CTNNA2: variants seen among roughly 807,000 people sequenced by gnomAD.
CTNNA2 encodes catenin alpha-2.
CTNNA2 carries 42 observed loss-of-function variants against 101.0 expected under a neutral mutation model. That is an observed-to-expected ratio of 0.42 (90% CI 0.32 to 0.54). The LOEUF (loss-of-function observed/expected upper bound fraction) is 0.54, where lower values mean the gene tolerates loss of function less well. Ranked by LOEUF, CTNNA2 falls within the 20% of genes least tolerant of loss-of-function variation. The pLI is 0.14. For synonymous variants in CTNNA2, 450 were observed against 456.4 expected (o/e 0.99, Z 0.18); for missense variants, 871 against 1,223.1 (o/e 0.71, Z 4.29).
At chr2:79,186,760 C>T (rs972855755) in intron 1 of CTNNA2, among the ~76,000 whole-genome samples, 4 of 152,152 alleles carry the variant, frequency 2.6e-5, no homozygotes, top group African/African-American at 9.7e-5. Flanking sequence ...AATACAGTGG[C>T]TCTCAGTCTT....
chr2:80,646,704 A>G (rs542188723), intron 18 of CTNNA2, among the ~76,000 whole-genome samples: 5 of 151,960 alleles, frequency 3.3e-5, no homozygotes, highest in Non-Finnish European at 7.4e-5. Flanking sequence ...GGTAACCCAA[A>G]ATATTCCTGG....
chr2:80,372,014 TGTC>T (rs1276841604), intron 7 of CTNNA2, among the ~76,000 whole-genome samples: 6 of 152,174 alleles, frequency 3.9e-5, no homozygotes, highest in Non-Finnish European at 5.9e-5. Flanking sequence ...TCATAAAACT[TGTC>T]GTCCGAATTG....
intron 7 of CTNNA2, among the ~76,000 whole-genome samples, chr2:80,102,870 G>T (rs568721740): frequency 6.6e-6 from 1 of 152,154 alleles, no homozygotes; most frequent in African/African-American, 2.4e-5. Flanking sequence ...GGATAAAAGG[G>T]TGATCGTGAC....
chr2:80,436,772 G>C (rs1348483747), intron 9 of CTNNA2, among the ~76,000 whole-genome samples: 1 of 152,128 alleles, frequency 6.6e-6, no homozygotes, highest in Non-Finnish European at 1.5e-5. Context: ...AGCTCTGTCA[G>C]TCCTCTTTTA....
intron 12 of CTNNA2, among the ~76,000 whole-genome samples, chr2:80,569,976 A>T (rs1573308798): frequency 6.6e-6 from 1 of 152,140 alleles, no homozygotes; most frequent in Admixed American, 6.5e-5. Context: ...TATTAGAAAA[A>T]TTAATAGTCA....
intron 7 of CTNNA2, among the ~76,000 whole-genome samples, chr2:80,214,145 A>G (rs928101142): frequency 3.3e-5 from 5 of 152,068 alleles, no homozygotes; most frequent in African/African-American, 1.2e-4. Context: ...CAGCACACTG[A>G]TGGGTCTTGA....
At chr2:79,673,674 T>G (rs1167646288) in intron 2 of CTNNA2, among the ~76,000 whole-genome samples, 1 of 152,212 alleles carries the variant, frequency 6.6e-6, no homozygotes, top group Admixed American at 6.5e-5. Context: ...TCTTGTTTTA[T>G]CTTAATATTT....
rs531600260 is a variant in CTNNA2 at position 79,654,585 on chromosome 2, A to G, written c.102+2927A>G. Reference sequence around the variant, plus strand: ...AGATCCTTGTGATTACAATGGGCTCACTCATATATTCCAGGATAATCTCTC... The same window carrying G: ...AGATCCTTGTGATTACAATGGGCTCGCTCATATATTCCAGGATAATCTCTC... On this transcript the variant is annotated intron_variant, in intron 2 of 18. Coordinates refer to ENST00000402739, the MANE Select transcript of CTNNA2 (RefSeq NM_001282597.3). Among the ~76,000 whole-genome samples the G allele has an allele frequency of 1.1e-4, 16 of 152,298 alleles. 1 individual carries two copies. In the South Asian group the frequency reaches 3.3e-3, roughly 32 times the overall value.
At chr2:79,612,496 A>G (rs1348243546) in intron 1 of CTNNA2, among the ~76,000 whole-genome samples, 1 of 152,114 alleles carries the variant, frequency 6.6e-6, no homozygotes, top group Non-Finnish European at 1.5e-5. Flanking sequence ...GGCAATCTAC[A>G]TTTTCTAGCC....
intron 17 of CTNNA2, among the ~76,000 whole-genome samples, chr2:80,614,882 T>C (rs571595494): frequency 6.6e-6 from 1 of 151,502 alleles, no homozygotes; most frequent in Non-Finnish European, 1.5e-5. Context: ...AGAAATGGTG[T>C]CTGTAAATTC....
At chr2:79,943,930 A>G (rs1419726040) in intron 7 of CTNNA2, among the ~76,000 whole-genome samples, 3 of 152,224 alleles carry the variant, frequency 2.0e-5, no homozygotes, top group African/African-American at 7.2e-5. Context: ...GTTCTAGTAT[A>G]ATCCATGTAG....
chr2:80,036,823 T>TTGTG lies in CTNNA2; in HGVS notation c.1056+127049_1056+127052dup, dbSNP rs1213433697. Among the ~76,000 whole-genome samples, 110 of 134,802 alleles carry TTGTG rather than the reference T, an allele frequency of 8.2e-4. 1 individual carries two copies. Among genetic ancestry groups the TTGTG allele is most frequent in the African/African-American group, 3.0e-3 (108 of 35,914 alleles). 88.4% of individuals were successfully genotyped at this position (134,802 alleles called of 152,430 possible). The stretch of plus-strand genomic sequence containing the variant: ...TCACTCATTCATTGTGTGTGTGTGT[T>TTGTG]TGTGTGTGTGTGTGTGTGTGTGTGT... On this transcript the variant is annotated intron_variant, in intron 7 of 18. Coordinates refer to ENST00000402739, the MANE Select transcript of CTNNA2 (RefSeq NM_001282597.3).
chr2:79,854,556 C>T (rs949687144), intron 3 of CTNNA2, among the ~76,000 whole-genome samples: 10 of 152,194 alleles, frequency 6.6e-5, no homozygotes, highest in African/African-American at 2.4e-4. Context: ...CTTTTTCATC[C>T]ATGAGTTAAT....
chr2:79,260,839 G>T (rs955611404), intron 2 of CTNNA2, among the ~76,000 whole-genome samples: 1 of 152,084 alleles, frequency 6.6e-6, no homozygotes, highest in Admixed American at 6.5e-5. Context: ...CCTCACTCAA[G>T]ATTGACTCTT....
At chr2:79,539,494 C>T (rs1205656770) in intron 1 of CTNNA2, among the ~76,000 whole-genome samples, 2 of 152,140 alleles carry the variant, frequency 1.3e-5, no homozygotes, top group African/African-American at 2.4e-5. Flanking sequence ...ATTCTAGCAG[C>T]TCAAAGAATT....
intron 2 of CTNNA2, among the ~76,000 whole-genome samples, chr2:79,264,900 C>T (rs17756840): frequency 0.5 from 76,467 of 151,922 alleles, 19,851 homozygotes; most frequent in Non-Finnish European, 0.57. Context: ...ACATTCGAGA[C>T]TGCCTCACCT....
At chr2:80,225,724 G>C (rs1054584717) in intron 7 of CTNNA2, among the ~76,000 whole-genome samples, 1 of 151,962 alleles carries the variant, frequency 6.6e-6, no homozygotes, top group African/African-American at 2.4e-5. Flanking sequence ...TTTTTCCTGA[G>C]GAATTAGATT....
chr2:80,080,323 A>G (rs1385288702), intron 7 of CTNNA2, among the ~76,000 whole-genome samples: 1 of 152,222 alleles, frequency 6.6e-6, no homozygotes, highest in African/African-American at 2.4e-5. Flanking sequence ...GCGAAAGGAG[A>G]CACAAATGGA....
intron 8 of CTNNA2, among the ~76,000 whole-genome samples, chr2:80,419,022 T>C (rs1280568235): frequency 6.6e-6 from 1 of 152,212 alleles, no homozygotes; most frequent in African/African-American, 2.4e-5. Flanking sequence ...GACTGCACAG[T>C]GGCCAAGTTT....
Sources: allele counts gnomAD v4.1 joint callset (sites outside exome capture counted in the v4.1 genomes callset), GRCh38; gene constraint gnomAD v4.1.1; transcripts MANE v1.5; gene names NCBI Gene and HGNC (gene_info 2026-07-23, HGNC 2026-07-21).